The following SH3RF3 variants were observed in gnomAD, a reference collection of about 807,000 sequenced individuals.
The protein encoded by SH3RF3 is SH3 domain containing ring finger 3.
A neutral mutation model predicts 66.3 loss-of-function variants in SH3RF3; 29 were observed. That is an observed-to-expected ratio of 0.44 (90% CI 0.33 to 0.60). The LOEUF (loss-of-function observed/expected upper bound fraction) is 0.60. Among genes scored for constraint, SH3RF3 ranks in the 20% least tolerant of loss-of-function variants. SH3RF3 has a pLI of 0.04. For synonymous variants in SH3RF3, 583 were observed against 532.0 expected (o/e 1.10, Z -1.32); for missense variants, 1,194 against 1,190.9 (o/e 1.00, Z -0.04).
At chr2:109,307,435 TA>T (rs1681623481) in intron 1 of SH3RF3, among the ~76,000 whole-genome samples, 4 of 150,452 alleles carry the variant, frequency 2.7e-5, no homozygotes, top group East Asian at 2.0e-4. Flanking sequence ...TTTTTTTTAT[TA>T]TTATACTTTA....
At chr2:109,293,277 A>G (rs920699985) in intron 1 of SH3RF3, among the ~76,000 whole-genome samples, 2 of 152,044 alleles carry the variant, frequency 1.3e-5, no homozygotes, top group Non-Finnish European at 2.9e-5. Flanking sequence ...TTCTGCTAAA[A>G]ATACCCAGCA....
intron 1 of SH3RF3, among the ~76,000 whole-genome samples, chr2:109,257,237 A>G (rs776360649): frequency 2.6e-5 from 4 of 152,124 alleles, no homozygotes; most frequent in African/African-American, 4.8e-5. Flanking sequence ...AGGCAGCATC[A>G]AGTCATGTTG....
chr2:109,259,692 G>T (rs1030902553), intron 1 of SH3RF3, among the ~76,000 whole-genome samples: 1 of 152,218 alleles, frequency 6.6e-6, no homozygotes, highest in African/African-American at 2.4e-5. Flanking sequence ...ACGGCCTACG[G>T]AAGAAGAATT....
At chr2:109,255,340 A>C (rs866545055) in intron 1 of SH3RF3, among the ~76,000 whole-genome samples, 34 of 152,330 alleles carry the variant, frequency 2.2e-4, no homozygotes, top group African/African-American at 6.7e-4. Context: ...AGCTACTCTA[A>C]GAATACAGAG....
intron 5 of SH3RF3, among the ~76,000 whole-genome samples, chr2:109,432,152 G>A (rs1677243562): frequency 6.6e-6 from 1 of 152,186 alleles, no homozygotes; most frequent in Non-Finnish European, 1.5e-5. Flanking sequence ...CAAAGAGCTG[G>A]CCCTGGGATG....
At chr2:109,463,362 A>G (rs986562505) in intron 8 of SH3RF3, among the ~76,000 whole-genome samples, 3 of 152,204 alleles carry the variant, frequency 2.0e-5, no homozygotes, top group Admixed American at 6.5e-5. Context: ...ATGTGCCACC[A>G]TGTGGGCCCT....
intron 1 of SH3RF3, among the ~76,000 whole-genome samples, chr2:109,140,735 G>A (rs1455605415): frequency 6.6e-6 from 1 of 151,980 alleles, no homozygotes; most frequent in Non-Finnish European, 1.5e-5. Context: ...TCTGCAAAAG[G>A]CCTATGTGCT....
intron 8 of SH3RF3, among the ~76,000 whole-genome samples, chr2:109,485,772 A>G (rs1275445668): frequency 1.3e-5 from 2 of 152,246 alleles, no homozygotes. Context: ...TATAACTCAT[A>G]AGCTCTCCCT....
At chr2:109,369,906 T>C (rs1683228383) in intron 2 of SH3RF3, among the ~76,000 whole-genome samples, 1 of 152,212 alleles carries the variant, frequency 6.6e-6, no homozygotes, top group African/African-American at 2.4e-5. Flanking sequence ...CTGCTTTGTG[T>C]TACAGCATCA....
At chr2:109,262,509 C>T (rs1179478694) in intron 1 of SH3RF3, among the ~76,000 whole-genome samples, 4 of 152,198 alleles carry the variant, frequency 2.6e-5, no homozygotes, top group Admixed American at 6.5e-5. Context: ...GGTAAACCTA[C>T]CCAGGCCCTT....
rs1361864069 is a variant in SH3RF3 at position 109,502,825 on chromosome 2, T to A, written c.*1154T>A. 1 of 152,240 alleles carries A rather than the reference T, an allele frequency of 6.6e-6. No homozygotes were observed. The highest frequency in any genetic ancestry group is 1.5e-5 in the Non-Finnish European group (1 of 68,038). The allele number at this position is 152,240 out of a possible 1,614,324, so 9.4% of individuals were successfully genotyped here. A position where few individuals can be genotyped will look rare whatever the true frequency, so the allele number is the denominator to read the frequency against. Reference sequence around the variant, plus strand: ...CAATTAGCATTCTCAGAAGATGATTTCTTGGTATCAAAATGTGCAGTTTCT... The same window carrying A: ...CAATTAGCATTCTCAGAAGATGATTACTTGGTATCAAAATGTGCAGTTTCT... On this transcript the variant is annotated 3_prime_UTR_variant, in exon 10 of 10. Coordinates refer to ENST00000309415, the MANE Select transcript of SH3RF3 (RefSeq NM_001099289.3).
At chr2:109,317,331 G>A (rs998226081) in intron 1 of SH3RF3, among the ~76,000 whole-genome samples, 15 of 152,138 alleles carry the variant, frequency 9.9e-5, no homozygotes, top group African/African-American at 3.4e-4. Flanking sequence ...GGGGGCGTCT[G>A]TGGGCAGGTG....
chr2:109,213,001 T>C (rs1679026239), intron 1 of SH3RF3, among the ~76,000 whole-genome samples: 1 of 152,154 alleles, frequency 6.6e-6, no homozygotes, highest in African/African-American at 2.4e-5. Context: ...TGCTGAGCGG[T>C]GTGCAGGTGT....
At chr2:109,305,328 C>A (rs974403259) in intron 1 of SH3RF3, among the ~76,000 whole-genome samples, 1 of 152,006 alleles carries the variant, frequency 6.6e-6, no homozygotes, top group Non-Finnish European at 1.5e-5. Context: ...GGATGAAGCG[C>A]CTCTTCTGTG....
chr2:109,450,168 A>G (rs1241648709), intron 8 of SH3RF3, among the ~76,000 whole-genome samples: 1 of 152,166 alleles, frequency 6.6e-6, no homozygotes, highest in East Asian at 1.9e-4. Context: ...CAACATGGCA[A>G]AACCCCATCT....
intron 5 of SH3RF3, among the ~76,000 whole-genome samples, chr2:109,420,224 C>T (rs1332686469): frequency 6.6e-6 from 1 of 152,174 alleles, no homozygotes; most frequent in Non-Finnish European, 1.5e-5. Context: ...TAAAATTCCC[C>T]ATTTAAATCA....
intron 8 of SH3RF3, among the ~76,000 whole-genome samples, chr2:109,463,593 T>C (rs1373079268): frequency 6.6e-6 from 1 of 152,202 alleles, no homozygotes; most frequent in Non-Finnish European, 1.5e-5. Context: ...TTCTGATTAT[T>C]GTGCAACTTG....
Position 109,169,109 on chromosome 2 carries a change from G to A in SH3RF3, c.573+38996G>A, listed in dbSNP as rs535994852. 2.0e-5 allele frequency among the ~76,000 whole-genome samples: 3 copies of A among 152,250 alleles called. No individual in the cohort carries two copies. The East Asian group carries it at 5.8e-4, about 29-fold the overall frequency. On this transcript the variant is annotated intron_variant, in intron 1 of 9. Transcript: ENST00000309415. ...GGAGGAGCCAGAATTCTTTGGAGCA[G>A]GATTGCTGGTAGATTTGTTAGTTGT...
chr2:109,430,522 CT>C (rs1396953050), intron 5 of SH3RF3, among the ~76,000 whole-genome samples: 2 of 151,976 alleles, frequency 1.3e-5, no homozygotes, highest in Non-Finnish European at 2.9e-5. Context: ...TCTCCTCCTC[CT>C]CCCTCCTCCT....
Sources: gnomAD v4.1 joint callset for allele counts (sites outside exome capture counted in the v4.1 genomes callset) on GRCh38, gnomAD v4.1.1 for gene constraint, MANE v1.5 for transcripts, NCBI Gene and HGNC (gene_info 2026-07-23, HGNC 2026-07-21) for gene names.